SEC31A: variants seen among roughly 807,000 people sequenced by gnomAD.
SEC31A encodes SEC31 homolog A, COPII component.
Under a neutral mutation model 151.0 loss-of-function variants are expected in SEC31A, and 70 were observed. The observed-to-expected ratio is 0.46, with a 90% CI of 0.38 to 0.57. The LOEUF is 0.57. SEC31A is among the 20% of genes least tolerant of loss of function. The probability of loss-of-function intolerance (pLI) is 0.00; values close to 1 mark genes in which losing one functional copy is unlikely to be tolerated. For missense variants in SEC31A, 1,330 were observed against 1,471.2 expected (o/e 0.90, Z 1.57); for synonymous variants, 475 against 505.9 (o/e 0.94, Z 0.82).
chr4:82,859,113 T>A (rs1733480525), intron 14 of SEC31A, among the ~76,000 whole-genome samples: 1 of 152,062 alleles, frequency 6.6e-6, no homozygotes, highest in Non-Finnish European at 1.5e-5. Flanking sequence ...TGTTTTTAAC[T>A]GAATCATAAA....
intron 19 of SEC31A, among the ~76,000 whole-genome samples, chr4:82,850,114 CA>C (rs5859838): frequency 0.33 from 41,495 of 125,728 alleles, 6,623 homozygotes; most frequent in East Asian, 0.52. Flanking sequence ...CTTTAAAGTC[CA>C]AAAAAAAAAA....
chr4:82,863,129 T>G, intron 12 of SEC31A, 189 bp downstream of exon 12: 1 of 517,862 alleles, frequency 1.9e-6, no homozygotes, highest in Non-Finnish European at 3.3e-6. Flanking sequence ...CAATATGTAT[T>G]CAAAACTCTG....
chr4:82,865,851 A>T (rs1471008939), intron 10 of SEC31A, among the ~76,000 whole-genome samples: 1 of 152,076 alleles, frequency 6.6e-6, no homozygotes, highest in Non-Finnish European at 1.5e-5. Flanking sequence ...AGTTCTAGAG[A>T]TCTGTTGCAC....
At chr4:82,855,702 T>TA (rs1176534042) in intron 16 of SEC31A, among the ~76,000 whole-genome samples, 3 of 152,036 alleles carry the variant, frequency 2.0e-5, no homozygotes, top group Non-Finnish European at 2.9e-5. Flanking sequence ...GAAAACCAAA[T>TA]ACCGCATGTT....
At chr4:82,838,363 T>C (rs1309371027) in intron 22 of SEC31A, among the ~76,000 whole-genome samples, 1 of 152,180 alleles carries the variant, frequency 6.6e-6, no homozygotes, top group Non-Finnish European at 1.5e-5. Flanking sequence ...GCAGTTATCC[T>C]AGATAGTAAA....
At chr4:82,861,937 C>T (rs542089967) in intron 13 of SEC31A, 34 of 230,152 alleles carry the variant, frequency 1.5e-4, no homozygotes, top group Admixed American at 1.0e-3. Flanking sequence ...TTTTTGAGAC[C>T]GAGTCTCACT....
At chr4:82,838,621 T>A (rs1253856227) in intron 22 of SEC31A, among the ~76,000 whole-genome samples, 1 of 152,234 alleles carries the variant, frequency 6.6e-6, no homozygotes, top group East Asian at 1.9e-4. Context: ...TATTGTATTA[T>A]ATGAAGTAAA....
intron 8 of SEC31A, 116 bp from the exon 9 acceptor site, chr4:82,867,432 A>G: frequency 1.2e-6 from 1 of 840,900 alleles, no homozygotes; most frequent in Non-Finnish European, 1.8e-6. Flanking sequence ...TTTTTTGTAG[A>G]AAGTATCTTT....
intron 22 of SEC31A, among the ~76,000 whole-genome samples, chr4:82,833,737 C>T (rs937449590): frequency 1.3e-5 from 2 of 152,030 alleles, no homozygotes; most frequent in African/African-American, 4.8e-5. Context: ...AGACATATAA[C>T]TCATGTGGAT....
At chr4:82,854,833 C>T in intron 17 of SEC31A, 70 bp downstream of exon 17, 1 of 1,359,232 alleles carries the variant, frequency 7.4e-7, no homozygotes, top group Non-Finnish European at 9.6e-7. Context: ...TAAAATTTGT[C>T]ATTTAAGTTT....
At chr4:82,886,791 T>C (rs1292916124) in intron 1 of SEC31A, among the ~76,000 whole-genome samples, 1 of 152,232 alleles carries the variant, frequency 6.6e-6, no homozygotes, top group African/African-American at 2.4e-5. Context: ...CATTATATTT[T>C]AATAAACATT....
At chr4:82,891,454 AGAGG>A (rs1239525756), upstream of SEC31A, among the ~76,000 whole-genome samples, 1 of 152,224 alleles carries the variant, frequency 6.6e-6, no homozygotes, top group Non-Finnish European at 1.5e-5. Flanking sequence ...GGACTAGTGC[AGAGG>A]GTGTCCCCGT....
At chr4:82,869,021 C>T (rs1578316869) in intron 8 of SEC31A, among the ~76,000 whole-genome samples, 1 of 152,226 alleles carries the variant, frequency 6.6e-6, no homozygotes, top group African/African-American at 2.4e-5. Context: ...AGCCTGCTCA[C>T]GTCTTTGGTA....
intron 20 of SEC31A, among the ~76,000 whole-genome samples, chr4:82,846,708 T>A (rs981772473): frequency 8.7e-6 from 1 of 114,934 alleles, no homozygotes. Context: ...CTTACTTCAT[T>A]ATTTTTTTGT....
chr4:82,842,385 G>A lies in SEC31A; in HGVS notation c.2723C>T (p.Pro908Leu), dbSNP rs1729119707. 1 of 1,613,868 alleles carries A rather than the reference G, an allele frequency of 6.2e-7. No homozygotes were observed. ...PVAPPTSNAY[P>L]NTPYISSASS... ...AGCAGAAGATATGTAAGGGGTGTTA[G>A]GGTAAGCGTTTGAAGTAGGAGGAGC... The change falls in exon 22 of 27, where the codon CCT becomes CTT. Residue 908 changes from proline (P) to leucine (L), a missense_variant. Transcript: ENST00000395310.
In SEC31A at chr4:82,870,362, T is replaced by C. The variant is rs112045177; in HGVS notation, c.845A>G (p.Asp282Gly). Reference sequence around the variant, plus strand: ...TGGATTGGAGCAGAGAATCTTAGCATCTTTTCCACAGCTCAGTAACAATTC... The same window carrying C: ...TGGATTGGAGCAGAGAATCTTAGCACCTTTTCCACAGCTCAGTAACAATTC... ...DPELLLSCGK[D>G]AKILCSNPNT... The change falls in exon 8 of 27, where the codon GAT (aspartate) becomes GGT (glycine). Residue 282 changes from aspartate (D) to glycine (G), a missense_variant. Physicochemically the swap from Asp to Gly is moderately conservative, Grantham distance 94. Coordinates refer to ENST00000395310, the MANE Select transcript of SEC31A (RefSeq NM_001077207.4). 6.2e-7 allele frequency: 1 copy of C among 1,614,012 alleles called. No homozygotes were observed. Among genetic ancestry groups the C allele is most frequent in the Non-Finnish European group, 8.5e-7 (1 of 1,179,916 alleles).
intron 22 of SEC31A, among the ~76,000 whole-genome samples, chr4:82,839,239 C>T (rs575058725): frequency 1.3e-5 from 2 of 152,350 alleles, no homozygotes; most frequent in South Asian, 2.1e-4. Context: ...CAATCTCCGC[C>T]TCCTGGGTTC....
chr4:82,842,068 C>A lies in SEC31A; in HGVS notation c.2968+72G>T, dbSNP rs543678301. The A allele has an allele frequency of 1.4e-5, 17 of 1,213,182 alleles. No homozygotes were observed. In the African/African-American group the frequency reaches 2.4e-4, roughly 17 times the overall value. 75.2% of individuals were successfully genotyped at this position (1,213,182 alleles called of 1,614,324 possible). A position where few individuals can be genotyped will look rare whatever the true frequency, so the allele number is the denominator to read the frequency against. On this transcript the variant is annotated intron_variant, in intron 22 of 26. Transcript: ENST00000395310. ...AGTTTACAAACAGTTAGAAATAATA[C>A]CCCTCCATCCACCCATCTGTTCATA...
chr4:82,842,214 G>A lies in SEC31A; in HGVS notation c.2894C>T (p.Ser965Leu), dbSNP rs559361622. The A allele has an allele frequency of 6.2e-7, 1 of 1,611,978 alleles. No individual in the cohort carries two copies. The highest frequency in any genetic ancestry group is 8.5e-7 in the Non-Finnish European group (1 of 1,178,680). The change falls in exon 22 of 27, where the codon TCA (serine) becomes TTA (leucine). Residue 965 changes from serine (S) to leucine (L), a missense_variant. Ser to Leu is a moderately radical substitution (Grantham distance 145). Transcript: ENST00000395310. Reference sequence around the variant, plus strand: ...TGTTCCAGGAGGCAGTGCATAAGCTGAAGATGATGGTGGAGCTCCTGGTCC... The same window carrying A: ...TGTTCCAGGAGGCAGTGCATAAGCTAAAGATGATGGTGGAGCTCCTGGTCC... ...HGGPGAPPSS[S>L]AYALPPGTTG...
Sources: gnomAD v4.1 joint callset for allele counts (sites outside exome capture counted in the v4.1 genomes callset) on GRCh38, gnomAD v4.1.1 for gene constraint, MANE v1.5 for transcripts, NCBI Gene and HGNC (gene_info 2026-07-23, HGNC 2026-07-21) for gene names.